SNX29: variants seen among roughly 807,000 people sequenced by gnomAD.
SNX29 encodes sorting nexin-29.
In SNX29, 78 loss-of-function variants were observed where a neutral mutation model predicts 102.1. The ratio of observed to expected loss-of-function variants is 0.76; its 90% CI spans 0.64 to 0.92. SNX29 has a LOEUF of 0.92. SNX29 is among the 40% of genes least tolerant of loss of function. The pLI is 0.00. For missense variants in SNX29, 1,280 were observed against 1,061.7 expected, an observed-to-expected ratio of 1.21 and a Z score of -2.86; for synonymous variants, 580 against 414.5, an observed-to-expected ratio of 1.40 and a Z score of -4.85.
intron 13 of SNX29, among the ~76,000 whole-genome samples, chr16:12,176,414 T>G (rs1471615380): frequency 6.6e-6 from 1 of 152,206 alleles, no homozygotes; most frequent in Admixed American, 6.5e-5. Context: ...CCAGAAACTA[T>G]GTCTAGTCAG....
intron 13 of SNX29, among the ~76,000 whole-genome samples, chr16:12,138,465 C>T (rs919595882): frequency 2.0e-5 from 3 of 152,104 alleles, no homozygotes; most frequent in African/African-American, 7.2e-5. Flanking sequence ...GCCTTGGCCT[C>T]CTAAAGTGCT....
intron 11 of SNX29, among the ~76,000 whole-genome samples, chr16:12,102,216 G>A (rs573767383): frequency 5.3e-5 from 8 of 152,202 alleles, no homozygotes; most frequent in Admixed American, 1.3e-4. Context: ...GAATAGTGCC[G>A]CAGTAAACAT....
chr16:12,568,216 T>A (rs544569990), intron 20 of SNX29, among the ~76,000 whole-genome samples: 1 of 151,534 alleles, frequency 6.6e-6, no homozygotes, highest in South Asian at 2.1e-4. Flanking sequence ...GAACATTCTT[T>A]CATAGCCTTA....
chr16:12,027,313 C>G lies in SNX29; in HGVS notation c.123-7C>G, dbSNP rs773279036. On this transcript the variant is annotated splice_region_variant and splice_polypyrimidine_tract_variant and intron_variant, in intron 3 of 20. Transcript: ENST00000566228. ...GGGGGACTGATGAGTCATTGGTTTT[C>G]TCACAGGGTCACCTGTCTGTGTGCC... 1 of 1,613,512 alleles carries G rather than the reference C, an allele frequency of 6.2e-7. No homozygotes were observed. The highest frequency in any genetic ancestry group is 1.7e-5 in the Admixed American group (1 of 59,994).
chr16:12,165,171 A>AGT (rs1343172394), intron 13 of SNX29, among the ~76,000 whole-genome samples: 1 of 152,238 alleles, frequency 6.6e-6, no homozygotes, highest in African/African-American at 2.4e-5. Flanking sequence ...TTCACATGGA[A>AGT]GTGAGTATAA....
At chr16:12,539,963 G>A (rs994856937) in intron 20 of SNX29, among the ~76,000 whole-genome samples, 1 of 152,198 alleles carries the variant, frequency 6.6e-6, no homozygotes, top group Non-Finnish European at 1.5e-5. Context: ...GAACATGTGA[G>A]TTGCACATAT....
intron 20 of SNX29, among the ~76,000 whole-genome samples, chr16:12,542,046 G>C (rs1234251714): frequency 6.6e-6 from 1 of 152,012 alleles, no homozygotes; most frequent in African/African-American, 2.4e-5. Context: ...TAATTAGTTT[G>C]GCAAAGATAT....
chr16:12,372,285 TC>T (rs1250705168), intron 16 of SNX29, among the ~76,000 whole-genome samples: 1 of 152,236 alleles, frequency 6.6e-6, no homozygotes, highest in East Asian at 1.9e-4. Flanking sequence ...ATCTTCCCCA[TC>T]CTTCAAGGTG....
At chr16:12,062,538 C>T (rs1022856499) in intron 9 of SNX29, among the ~76,000 whole-genome samples, 2 of 152,122 alleles carry the variant, frequency 1.3e-5, no homozygotes, top group Non-Finnish European at 2.9e-5. Flanking sequence ...TTGATCCCAG[C>T]TGGCCTGTGG....
chr16:12,054,816 G>A (rs952302608), intron 8 of SNX29, among the ~76,000 whole-genome samples: 6 of 152,212 alleles, frequency 3.9e-5, no homozygotes, highest in South Asian at 2.1e-4. Flanking sequence ...CGTGGCTAAC[G>A]CAGTTGCCTT....
chr16:12,013,862 G>A (rs977340010), intron 3 of SNX29, among the ~76,000 whole-genome samples: 2 of 151,810 alleles, frequency 1.3e-5, no homozygotes, highest in African/African-American at 2.4e-5. Context: ...TGTTGCCCAG[G>A]CTGGTCTTGA....
intron 20 of SNX29, among the ~76,000 whole-genome samples, chr16:12,531,802 G>C (rs549974486): frequency 3.3e-4 from 51 of 152,332 alleles, no homozygotes; most frequent in Non-Finnish European, 5.7e-4. Context: ...AGAGCCAGGC[G>C]AGGGCAGAGT....
At chr16:12,529,830 C>T (rs767373945) in intron 20 of SNX29, among the ~76,000 whole-genome samples, 1 of 152,148 alleles carries the variant, frequency 6.6e-6, no homozygotes, top group East Asian at 1.9e-4. Context: ...TCACTTGAAC[C>T]TAAGCTGCTT....
chr16:12,357,731 A>G (rs185352844), intron 16 of SNX29, among the ~76,000 whole-genome samples: 87 of 151,926 alleles, frequency 5.7e-4, no homozygotes, highest in African/African-American at 1.8e-3. Context: ...CGACCATTCT[A>G]CTTTGTTCCT....
At chr16:12,454,799 A>G (rs1035037138) in intron 18 of SNX29, among the ~76,000 whole-genome samples, 1 of 151,982 alleles carries the variant, frequency 6.6e-6, no homozygotes, top group Non-Finnish European at 1.5e-5. Flanking sequence ...GGCTCACTGC[A>G]ACCTCTGCCT....
intron 3 of SNX29, among the ~76,000 whole-genome samples, chr16:12,011,781 C>A (rs775055203): frequency 2.0e-4 from 31 of 152,060 alleles, no homozygotes; most frequent in Admixed American, 8.5e-4. Flanking sequence ...AGCCACAAAT[C>A]ACCAGTTACC....
At chr16:12,254,080 C>G (rs2078498666) in intron 14 of SNX29, among the ~76,000 whole-genome samples, 1 of 152,122 alleles carries the variant, frequency 6.6e-6, no homozygotes, top group African/African-American at 2.4e-5. Flanking sequence ...AGGCTGCTAA[C>G]CAGGATGGGG....
At chr16:12,467,695 G>A (rs373796050) in intron 18 of SNX29, among the ~76,000 whole-genome samples, 2 of 151,772 alleles carry the variant, frequency 1.3e-5, no homozygotes, top group East Asian at 3.9e-4. Context: ...CTTCTTAAAA[G>A]TTTAGTCCTG....
At chr16:12,168,891 A>G (rs1353432489) in intron 13 of SNX29, among the ~76,000 whole-genome samples, 2 of 152,074 alleles carry the variant, frequency 1.3e-5, no homozygotes, top group South Asian at 2.1e-4. Flanking sequence ...GCCCCAGATC[A>G]TCCGGAGAGA....
Sources: allele counts gnomAD v4.1 joint callset (sites outside exome capture counted in the v4.1 genomes callset), GRCh38; gene constraint gnomAD v4.1.1; transcripts MANE v1.5; gene names NCBI Gene and HGNC (gene_info 2026-07-23, HGNC 2026-07-21).